Variants in HMCN1 observed in about 807,000 individuals in gnomAD.
The protein encoded by HMCN1 is hemicentin 1, also known as hemicentin-1.
Under a neutral mutation model 625.9 loss-of-function variants are expected in HMCN1, and 321 were observed. That is an observed-to-expected ratio of 0.51 (90% CI 0.47 to 0.56). HMCN1 has a LOEUF of 0.56. HMCN1 is among the 20% of genes least tolerant of loss of function. The pLI is 0.00. For missense variants in HMCN1, 6,588 were observed against 6,887.3 expected (o/e 0.96, Z 1.54); for synonymous variants, 2,425 against 2,417.6 (o/e 1.00, Z -0.09).
chr1:185,832,765 T>G (rs1302181576), intron 1 of HMCN1, among the ~76,000 whole-genome samples: 3 of 152,198 alleles, frequency 2.0e-5, no homozygotes, highest in African/African-American at 7.2e-5. Context: ...TAATAAAGTT[T>G]ACTTACTACC....
chr1:185,915,120 A>G (rs1666629769), intron 6 of HMCN1, among the ~76,000 whole-genome samples: 4 of 152,084 alleles, frequency 2.6e-5, no homozygotes, highest in Admixed American at 2.0e-4. Context: ...GCAGAGATAA[A>G]GAGTCAACTC....
At chr1:185,926,315 A>T (rs1053754114) in intron 9 of HMCN1, among the ~76,000 whole-genome samples, 1 of 152,184 alleles carries the variant, frequency 6.6e-6, no homozygotes. Context: ...AGGAATATTC[A>T]TCATAACTAG....
At chr1:185,827,997 G>T (rs1423397682) in intron 1 of HMCN1, among the ~76,000 whole-genome samples, 1 of 152,148 alleles carries the variant, frequency 6.6e-6, no homozygotes, top group Non-Finnish European at 1.5e-5. Context: ...CAAAAATGTT[G>T]TTCAAATACA....
At chr1:185,976,391 A>G (rs552086200) in intron 15 of HMCN1, among the ~76,000 whole-genome samples, 1 of 152,276 alleles carries the variant, frequency 6.6e-6, no homozygotes, top group East Asian at 1.9e-4. Context: ...ATGAGGCTGC[A>G]AAGTTGGAGG....
chr1:186,174,465 T>G (rs1396512769), intron 102 of HMCN1, 49 bp from the exon 103 acceptor site: 2 of 1,607,312 alleles, frequency 1.2e-6, no homozygotes, highest in Admixed American at 3.3e-5. Context: ...TACAATGACT[T>G]TGGGTTTGAA....
intron 2 of HMCN1, among the ~76,000 whole-genome samples, chr1:185,853,098 G>A (rs934218646): frequency 2.6e-5 from 4 of 152,000 alleles, no homozygotes; most frequent in African/African-American, 9.7e-5. Context: ...ATCTAATCAA[G>A]TTAACATATT....
chr1:186,037,831 A>C (rs1655937236), intron 36 of HMCN1, 103 bp from the exon 37 acceptor site: 2 of 753,880 alleles, frequency 2.7e-6, no homozygotes, highest in Non-Finnish European at 4.7e-6. Context: ...ATATATGTGA[A>C]AAAAAGAAGA....
chr1:185,882,640 A>G (rs1300996995), intron 4 of HMCN1, among the ~76,000 whole-genome samples: 1 of 152,144 alleles, frequency 6.6e-6, no homozygotes, highest in Non-Finnish European at 1.5e-5. Flanking sequence ...AAATTATAAT[A>G]TAAAGAATGA....
chr1:186,120,217 C>T (rs2102488660), intron 80 of HMCN1, 72 bp downstream of exon 80: 2 of 1,500,948 alleles, frequency 1.3e-6, no homozygotes, highest in Non-Finnish European at 1.8e-6. Context: ...ATTTATATAT[C>T]TAAAATGATT....
chr1:186,068,943 T>C (rs1370934249), intron 50 of HMCN1, among the ~76,000 whole-genome samples: 4 of 152,118 alleles, frequency 2.6e-5, no homozygotes, highest in Non-Finnish European at 5.9e-5. Context: ...AGAAAAAGCT[T>C]TGTTGCTTAG....
chr1:185,783,879 G>A (rs1657349204), intron 1 of HMCN1, among the ~76,000 whole-genome samples: 1 of 152,166 alleles, frequency 6.6e-6, no homozygotes, highest in Non-Finnish European at 1.5e-5. Context: ...AAAGCTGTTA[G>A]CCACGGACTT....
rs560070651 is a variant in HMCN1, at chr1:186,152,820, T to G, written c.14967T>G (p.Val4989=). ...DSDGSLLLDI[V]VSGYVLQLQS... ...ATGGTTCTTTGCTGCTAGATATCGT[T>G]GTGAGTGGCTATGTCCTACAGCTTC... is the stretch of plus-strand genomic sequence containing the variant. The change falls in exon 96 of 107, where the codon GTT becomes GTG. Residue 4989 remains valine, a synonymous_variant. Transcript: ENST00000271588. 4 of 1,614,064 alleles carry G rather than the reference T, an allele frequency of 2.5e-6. No homozygotes were observed. In the East Asian group the frequency reaches 8.9e-5, roughly 36 times the overall value.
chr1:186,018,304 G>A lies in HMCN1; in HGVS notation c.5422G>A (p.Ala1808Thr). The A allele has an allele frequency of 6.2e-7, 1 of 1,612,922 alleles. No homozygotes were observed. Among genetic ancestry groups the A allele is most frequent in the Middle Eastern group, 1.7e-4 (1 of 6,058 alleles). Residue 1808 changes from alanine (A) to threonine (T), a missense_variant, in exon 34 of 107, where the codon GCA becomes ACA. Around this residue, in one of 3 missense-constraint regions of HMCN1, gnomAD observed 4,628 missense variants for 4,853.1 expected, o/e 0.95. Coordinates refer to ENST00000271588, the MANE Select transcript of HMCN1 (RefSeq NM_031935.3). Reference protein sequence around the residue: ...SNTGLYRCMAANTAGDHKKEF... With the variant: ...SNTGLYRCMATNTAGDHKKEF... ...CACAGGCCTTTATCGGTGCATGGCA[G>A]CAAATACTGCTGGAGACCACAAGAA...
intron 70 of HMCN1, among the ~76,000 whole-genome samples, 164 bp downstream of exon 70, chr1:186,107,129 A>T (rs918801004): frequency 2.0e-5 from 3 of 151,970 alleles, no homozygotes; most frequent in African/African-American, 7.3e-5. Context: ...TTTGTCGCCC[A>T]GGCTGGAGTG....
At chr1:185,969,078 A>G (rs1368041461) in intron 14 of HMCN1, among the ~76,000 whole-genome samples, 2 of 152,236 alleles carry the variant, frequency 1.3e-5, no homozygotes, top group Admixed American at 6.5e-5. Flanking sequence ...TATAAAGGGA[A>G]AGTGAATTCC....
chr1:186,115,171 A>G (rs1306915818), intron 74 of HMCN1, 87 bp from the exon 75 acceptor site: 2 of 1,519,788 alleles, frequency 1.3e-6, no homozygotes, highest in African/African-American at 2.7e-5. Context: ...CAAGTTAATA[A>G]TGACTAATTT....
intron 1 of HMCN1, among the ~76,000 whole-genome samples, chr1:185,767,145 A>AAATTAGTG (rs1161391299): frequency 2.0e-5 from 3 of 152,184 alleles, no homozygotes; most frequent in Non-Finnish European, 4.4e-5. Flanking sequence ...TTTCAGATTC[A>AAATTAGTG]AATTAGTGAA....
chr1:186,097,310 C>T (rs1660180155), intron 68 of HMCN1, among the ~76,000 whole-genome samples: 1 of 152,106 alleles, frequency 6.6e-6, no homozygotes, highest in African/African-American at 2.4e-5. Flanking sequence ...ATCGGTTCCA[C>T]ATCTGTGGAT....
At chr1:186,138,078 C>T (rs961318678) in intron 89 of HMCN1, 106 bp downstream of exon 89, 21 of 1,184,618 alleles carry the variant, frequency 1.8e-5, no homozygotes, top group Non-Finnish European at 2.1e-5. Flanking sequence ...GATGTTATGG[C>T]CTCTACCCTT....
Sources: gnomAD v4.1 joint callset for allele counts (sites outside exome capture counted in the v4.1 genomes callset) on GRCh38, gnomAD v4.1.1 for gene constraint, gnomAD v4.1.1 regional missense constraint, MANE v1.5 for transcripts, NCBI Gene and HGNC (gene_info 2026-07-23, HGNC 2026-07-21) for gene names.